The following CCDC73 variants were observed in gnomAD, a reference collection of about 807,000 sequenced individuals.
The protein encoded by CCDC73 is coiled-coil domain containing 73, also known as coiled-coil domain-containing protein 73.
CCDC73 carries 95 observed loss-of-function variants against 116.5 expected under a neutral mutation model. The observed-to-expected ratio is 0.82, with a 90% CI of 0.69 to 0.97. The LOEUF (loss-of-function observed/expected upper bound fraction) is 0.97. Among genes scored for constraint, CCDC73 ranks in the 50% least tolerant of loss-of-function variants. CCDC73 has a pLI of 0.00. For synonymous variants in CCDC73, 398 were observed against 401.3 expected (o/e 0.99, Z 0.10); for missense variants, 1,066 against 1,206.8 (o/e 0.88, Z 1.73).
At chr11:32,768,378 G>A (rs1023071412) in intron 1 of CCDC73, among the ~76,000 whole-genome samples, 15 of 152,168 alleles carry the variant, frequency 9.9e-5, no homozygotes, top group African/African-American at 2.2e-4. Context: ...CATAAATGAC[G>A]AGTTAATGGG....
intron 14 of CCDC73, among the ~76,000 whole-genome samples, chr11:32,633,676 G>A (rs1287075009): frequency 6.6e-6 from 1 of 152,178 alleles, no homozygotes; most frequent in African/African-American, 2.4e-5. Flanking sequence ...GACAACTTAT[G>A]TGAATTGCTG....
intron 1 of CCDC73, among the ~76,000 whole-genome samples, chr11:32,761,692 G>A (rs528051025): frequency 1.2e-4 from 18 of 152,248 alleles, no homozygotes; most frequent in African/African-American, 4.1e-4. Flanking sequence ...ATGGGTATGT[G>A]TGTGTATATA....
intron 7 of CCDC73, 96 bp from the exon 8 acceptor site, chr11:32,676,117 G>C (rs1856086395): frequency 1.1e-6 from 1 of 951,342 alleles, no homozygotes; most frequent in African/African-American, 1.7e-5. Context: ...AACCACTGTT[G>C]TTAGTAATAT....
chr11:32,713,572 G>A (rs112404563), intron 3 of CCDC73, among the ~76,000 whole-genome samples: 4,541 of 152,066 alleles, frequency 0.03, 86 homozygotes, highest in Non-Finnish European at 0.04. Context: ...CCAAATCTTT[G>A]AAGAAGTTTA....
the CCDC73 span, among the ~76,000 whole-genome samples, chr11:32,805,353 A>G: frequency 6.6e-6 from 1 of 152,180 alleles, no homozygotes; most frequent in Admixed American, 6.6e-5. Flanking sequence ...CTGCTTACAA[A>G]CTTTCCAAGG....
chr11:32,670,709 T>C (rs1303152255), intron 9 of CCDC73, among the ~76,000 whole-genome samples: 1 of 152,158 alleles, frequency 6.6e-6, no homozygotes, highest in Non-Finnish European at 1.5e-5. Flanking sequence ...GATTACAAAA[T>C]GCGACAAATG....
chr11:32,762,325 T>C (rs1850399451), intron 1 of CCDC73, among the ~76,000 whole-genome samples: 2 of 152,214 alleles, frequency 1.3e-5, no homozygotes, highest in Non-Finnish European at 2.9e-5. Context: ...TTCTAAATTC[T>C]GAAAGAGACC....
chr11:32,709,163 C>T (rs557266539), intron 3 of CCDC73, among the ~76,000 whole-genome samples: 78 of 152,238 alleles, frequency 5.1e-4, no homozygotes, highest in Non-Finnish European at 1.1e-3. Context: ...GAGATGATCA[C>T]GTGATTTTTC....
chr11:32,665,785 G>A (rs184600914), intron 9 of CCDC73, among the ~76,000 whole-genome samples: 29 of 152,120 alleles, frequency 1.9e-4, no homozygotes, highest in African/African-American at 4.8e-4. Context: ...ATGTTTTTGC[G>A]GTGGCTGGTA....
Position 32,613,876 on chromosome 11 carries a change from AT to A in CCDC73, c.2441del (p.Asp814ValfsTer5). Reference sequence around the variant, plus strand: ...TTGTGGCTTCAGTTACCTGATTCTCATCAATCTGATTCTTTTTATTGGAAAA... The same window carrying A: ...TTGTGGCTTCAGTTACCTGATTCTCACAATCTGATTCTTTTTATTGGAAAA... ...TEFSNKKNQIDENQVTEATKN... is the reference protein window; with the variant it reads ...TEFSNKKNQIXENQVTEATKN... On this transcript the variant is annotated frameshift_variant, in exon 16 of 18. Coordinates refer to ENST00000335185, the MANE Select transcript of CCDC73 (RefSeq NM_001008391.4). LOFTEE classifies it high-confidence loss of function. 2.5e-6 allele frequency: 4 copies of A among 1,613,408 alleles called. No homozygotes were observed. The highest frequency in any genetic ancestry group is 3.4e-6 in the Non-Finnish European group (4 of 1,179,908).
the CCDC73 span, among the ~76,000 whole-genome samples, chr11:32,815,743 C>T: frequency 6.6e-6 from 1 of 152,192 alleles, no homozygotes; most frequent in South Asian, 2.1e-4. Flanking sequence ...AACCTGCCAC[C>T]TTAGCTCTTG....
chr11:32,760,092 T>C lies in CCDC73; in HGVS notation c.135+17A>G, dbSNP rs1472638621. ...AAGTTTTCTTATTTAACAAAAGCAT[T>C]TTAAAAAGGAGCTTACCCTTCTCAT... is the stretch of plus-strand genomic sequence containing the variant. On this transcript the variant is annotated intron_variant, in intron 2 of 17. Coordinates refer to ENST00000335185, the MANE Select transcript of CCDC73 (RefSeq NM_001008391.4). 7.0e-6 allele frequency: 11 copies of C among 1,578,568 alleles called. No individual in the cohort carries two copies. The highest frequency in any genetic ancestry group is 9.4e-6 in the Non-Finnish European group (11 of 1,167,220).
intron 7 of CCDC73, 25 bp downstream of exon 7, chr11:32,683,510 GA>G: frequency 6.9e-7 from 1 of 1,451,528 alleles, no homozygotes; most frequent in Non-Finnish European, 9.7e-7. Context: ...CCAGATGGGG[GA>G]AAATATGTTT....
At chr11:32,737,231 CTGTGTGTG>C (rs200606807) in intron 2 of CCDC73, among the ~76,000 whole-genome samples, 2,610 of 137,626 alleles carry the variant, frequency 0.019, 45 homozygotes, top group African/African-American at 0.041. Flanking sequence ...CATAGTAGGG[CTGTGTGTG>C]TGTGTGTGTG....
chr11:32,682,918 C>T (rs1010167567), intron 7 of CCDC73: 1 of 154,358 alleles, frequency 6.5e-6, no homozygotes, highest in East Asian at 1.9e-4. Flanking sequence ...ATCCTAAATA[C>T]TACTTCATAC....
intron 2 of CCDC73, among the ~76,000 whole-genome samples, chr11:32,752,672 T>A (rs1242645960): frequency 6.6e-6 from 1 of 152,202 alleles, no homozygotes; most frequent in African/African-American, 2.4e-5. Flanking sequence ...GTTAAGCATA[T>A]TTTTGTACAT....
chr11:32,686,209 C>CA (rs34582756), intron 6 of CCDC73, among the ~76,000 whole-genome samples: 29,042 of 56,704 alleles, frequency 0.51, 6,634 homozygotes, highest in East Asian at 0.64. Context: ...GAGGGAAAGC[C>CA]AAAAAAAAAA....
the CCDC73 span, among the ~76,000 whole-genome samples, chr11:32,807,398 A>C: frequency 1.3e-5 from 2 of 152,204 alleles, no homozygotes; most frequent in Admixed American, 1.3e-4. Flanking sequence ...GAAATTCAAG[A>C]GTAAGAGCTA....
intron 2 of CCDC73, among the ~76,000 whole-genome samples, chr11:32,732,841 T>A (rs1197118661): frequency 6.6e-6 from 1 of 152,184 alleles, no homozygotes; most frequent in East Asian, 1.9e-4. Context: ...CCCTCGATGC[T>A]AGGAAGAAAC....
Sources: allele counts gnomAD v4.1 joint callset (sites outside exome capture counted in the v4.1 genomes callset), GRCh38; gene constraint gnomAD v4.1.1; transcripts MANE v1.5; gene names NCBI Gene and HGNC (gene_info 2026-07-23, HGNC 2026-07-21).